Variants in DENND3 observed in about 807,000 individuals in gnomAD.
DENND3 encodes the protein DENN domain-containing protein 3.
In DENND3, 88 loss-of-function variants were observed where a neutral mutation model predicts 135.1. The ratio of observed to expected loss-of-function variants is 0.65; its 90% CI spans 0.55 to 0.78. The LOEUF (loss-of-function observed/expected upper bound fraction) is 0.78. DENND3 is among the 30% of genes least tolerant of loss of function. DENND3 has a pLI of 0.00. For synonymous variants in DENND3, 693 were observed against 712.3 expected (o/e 0.97, Z 0.43); for missense variants, 1,392 against 1,688.4 (o/e 0.82, Z 3.08).
Position 141,182,291 on chromosome 8 carries a change from C to T in DENND3, c.2944+1437C>T. ...GAAGCTGTGTGTGAAGCGATTTCCC[C>T]ATAAGAGAGTTTTTCTCTCTTCATG... On this transcript the variant is annotated intron_variant, in intron 17 of 22. Transcript: ENST00000519811. This position sits in a 1 kb window ranked among gnomAD's most constrained non-coding sequence, Gnocchi z 5.9. The T allele has an allele frequency of 1.0e-6, 1 of 984,794 alleles. No individual in the cohort carries two copies. Among genetic ancestry groups the T allele is most frequent in the South Asian group, 4.7e-5 (1 of 21,274 alleles). 61.0% of individuals were successfully genotyped at this position (984,794 alleles called of 1,614,324 possible).
rs1035712366 is a variant in DENND3 at position 141,146,917 on chromosome 8, G to A, written c.735+2658G>A. ...TATTTACTGAGGGCCTGTGAGATCC[G>A]TGAACAGAGCCAGACCTCTGACTTG... On this transcript the variant is annotated intron_variant, in intron 5 of 22. Coordinates refer to ENST00000519811, the MANE Select transcript of DENND3 (RefSeq NM_001352890.3). This position sits in a 1 kb window ranked among gnomAD's most constrained non-coding sequence, Gnocchi z 4.3. Among the ~76,000 whole-genome samples the A allele has an allele frequency of 4.6e-5, 7 of 152,190 alleles. No homozygotes were observed. Among genetic ancestry groups the A allele is most frequent in the African/African-American group, 4.8e-5 (2 of 41,448 alleles).
chr8:141,170,909 C>T (rs547851053), intron 13 of DENND3, among the ~76,000 whole-genome samples: 3 of 152,334 alleles, frequency 2.0e-5, no homozygotes, highest in South Asian at 2.1e-4. Context: ...GAGCAGGGTC[C>T]GTCCATCTTT....
Position 141,136,754 on chromosome 8 carries a change from C to T in DENND3, c.348C>T (p.Gly116=), listed in dbSNP as rs551426157. ...CTGAGGATGTCGCCGTCCCGGGCGG[C>T]GTGGACCTCCTCACCCTGCCGCAGC... ...PEPEDVAVPG[G]VDLLTLPQLC... The change falls in exon 2 of 23, where the codon GGC becomes GGT. Residue 116 remains glycine (G), a synonymous_variant. Transcript: ENST00000519811. 22 of 1,594,058 alleles carry T rather than the reference C, an allele frequency of 1.4e-5. No individual in the cohort carries two copies. The highest frequency in any genetic ancestry group is 7.1e-5 in the Admixed American group (4 of 56,510).
chr8:141,148,205 C>A (rs1312007215), intron 5 of DENND3, among the ~76,000 whole-genome samples: 1 of 152,124 alleles, frequency 6.6e-6, no homozygotes, highest in Non-Finnish European at 1.5e-5. Context: ...TTCCTCATTA[C>A]TTCTGGTCCG....
rs757726675 is a variant in DENND3 at position 141,189,025 on chromosome 8, G to A, written c.3124G>A (p.Gly1042Ser). ...VMADQNQVWV[G>S]SEDSVIYIIN... Reference sequence around the variant, plus strand: ...GGCCGACCAGAACCAGGTGTGGGTTGGCTCGGAAGACTCCGTCATCTACAT... The same window carrying A: ...GGCCGACCAGAACCAGGTGTGGGTTAGCTCGGAAGACTCCGTCATCTACAT... Residue 1042 changes from glycine (G) to serine (S), a missense_variant, in exon 19 of 23, where the codon GGC becomes AGC. Transcript: ENST00000519811. 4.3e-6 allele frequency: 7 copies of A among 1,614,164 alleles called. No individual in the cohort carries two copies. The highest frequency in any genetic ancestry group is 5.9e-6 in the Non-Finnish European group (7 of 1,180,006).
At chr8:141,170,156 TG>T (rs1168802284) in intron 13 of DENND3, among the ~76,000 whole-genome samples, 1 of 152,242 alleles carries the variant, frequency 6.6e-6, no homozygotes, top group East Asian at 1.9e-4. Context: ...TGAGCTGTGT[TG>T]TCATGGTCTT....
rs185094158 is a variant in DENND3 at position 141,131,777 on chromosome 8, T to C, written c.102+2968T>C. Among the ~76,000 whole-genome samples, 54 of 152,252 alleles carry C rather than the reference T, an allele frequency of 3.5e-4. No homozygotes were observed. The East Asian group carries it at 5.6e-3, about 16-fold the overall frequency. Reference sequence around the variant, plus strand: ...GAATTAGCAGTTTTAAAAACCAAAATGATGGTTATTGGGTAGGGGTTTAAT... The same window carrying C: ...GAATTAGCAGTTTTAAAAACCAAAACGATGGTTATTGGGTAGGGGTTTAAT... On this transcript the variant is annotated intron_variant, in intron 1 of 22. Transcript: ENST00000519811.
chr8:141,147,464 G>A (rs1184142649), intron 5 of DENND3, among the ~76,000 whole-genome samples: 2 of 152,160 alleles, frequency 1.3e-5, no homozygotes, highest in African/African-American at 2.4e-5. Flanking sequence ...TGGCCTCACT[G>A]GACTCCTGTC....
chr8:141,160,965 G>A (rs970852613), intron 9 of DENND3, among the ~76,000 whole-genome samples, 178 bp downstream of exon 9: 3 of 152,234 alleles, frequency 2.0e-5, no homozygotes, highest in Non-Finnish European at 2.9e-5. Context: ...AGCAGTTACA[G>A]GGAGTTTGTT....
rs1292802659 is a variant in DENND3, at chr8:141,182,104, T to C, written c.2944+1250T>C. On this transcript the variant is annotated intron_variant, in intron 17 of 22. Transcript: ENST00000519811. This position sits in a 1 kb window ranked among gnomAD's most constrained non-coding sequence, Gnocchi z 5.9. ...AGCCACTGCGCCAGCCCAGAAGGGA[T>C]TTTTAAAATTGTCACTTTGTTTGTT... Among the ~76,000 whole-genome samples, 1 of 151,976 alleles carries C rather than the reference T, an allele frequency of 6.6e-6. No individual in the cohort carries two copies. Among genetic ancestry groups the C allele is most frequent in the East Asian group, 1.9e-4 (1 of 5,202 alleles).
At chr8:141,190,447 C>T (rs1331420018) in intron 20 of DENND3, 30 bp downstream of exon 20, 2 of 1,581,714 alleles carry the variant, frequency 1.3e-6, no homozygotes, top group Non-Finnish European at 1.7e-6. Context: ...TCAGAGCGGG[C>T]ACCCTACCTC....
rs561368215 is a variant in DENND3 at position 141,138,676 on chromosome 8, C to T, written c.501+539C>T. ...GCTGGGATTACAGGTGTGAGCGCTGCGCCCGGCCGGCTAATCCCCTTTCTG... is the reference window on the plus strand; with the variant it reads ...GCTGGGATTACAGGTGTGAGCGCTGTGCCCGGCCGGCTAATCCCCTTTCTG... On this transcript the variant is annotated intron_variant, in intron 3 of 22. Coordinates refer to ENST00000519811, the MANE Select transcript of DENND3 (RefSeq NM_001352890.3). The surrounding 1 kb of genome is among the most constrained non-coding windows in gnomAD (Gnocchi z 4.8). Among the ~76,000 whole-genome samples, 5 of 152,122 alleles carry T rather than the reference C, an allele frequency of 3.3e-5. No homozygotes were observed. The highest frequency in any genetic ancestry group is 5.9e-5 in the Non-Finnish European group (4 of 68,032).
Position 141,194,237 on chromosome 8 carries a change from T to C in DENND3, c.*4T>C, listed in dbSNP as rs774680755. 5 of 1,610,762 alleles carry C rather than the reference T, an allele frequency of 3.1e-6. No individual in the cohort carries two copies. Among genetic ancestry groups the C allele is most frequent in the South Asian group, 1.1e-5 (1 of 90,186 alleles). ...CGCCATTTGGAAAGGCGAATAAACG[T>C]GGCTGAGTCTGCCAAGTGGAACTGT... On this transcript the variant is annotated 3_prime_UTR_variant, in exon 23 of 23. Coordinates refer to ENST00000519811, the MANE Select transcript of DENND3 (RefSeq NM_001352890.3).
intron 1 of DENND3, among the ~76,000 whole-genome samples, chr8:141,135,392 T>A (rs768452665): frequency 6.6e-6 from 1 of 152,050 alleles, no homozygotes; most frequent in Non-Finnish European, 1.5e-5. Context: ...GCTCAAGCAG[T>A]CCTCCCGCTT....
At chr8:141,165,046 C>T in intron 10 of DENND3, 140 bp from the exon 11 acceptor site, 2 of 633,772 alleles carry the variant, frequency 3.2e-6, no homozygotes, top group Non-Finnish European at 5.7e-6. Context: ...AGCAGAAAAC[C>T]CTCGAGTTCA....
In DENND3 at chr8:141,136,575, G is replaced by A. The variant is rs770477186; in HGVS notation, c.169G>A (p.Val57Met). The change falls in exon 2 of 23, where the codon GTG (valine) becomes ATG (methionine). Residue 57 changes from valine to methionine, a missense_variant. Physicochemically the swap from Val to Met is conservative, Grantham distance 21. Transcript: ENST00000519811. ...TGATCCAGAGGTCCTGTCCATTTTC[G>A]TGCCTCCTTTTATCAGTAAAGAGGA... ...LLDPEVLSIF[V>M]PPFISKEDSQ... 71 of 1,573,450 alleles carry A rather than the reference G, an allele frequency of 4.5e-5. No homozygotes were observed. Among genetic ancestry groups the A allele is most frequent in the Admixed American group, 2.3e-4 (12 of 53,192 alleles).
At chr8:141,152,741 TC>T (rs1356975274) in intron 7 of DENND3, among the ~76,000 whole-genome samples, 1 of 152,222 alleles carries the variant, frequency 6.6e-6, no homozygotes, top group Non-Finnish European at 1.5e-5. Context: ...ATATGTGCTT[TC>T]GTTTCTCTCG....
chr8:141,180,151 G>A (rs1357042011), intron 16 of DENND3, among the ~76,000 whole-genome samples: 3 of 152,252 alleles, frequency 2.0e-5, no homozygotes, highest in African/African-American at 7.2e-5. Flanking sequence ...CCCTCACTGC[G>A]GAGAGGCATT....
At chr8:141,150,201 C>T (rs2154612924) in intron 5 of DENND3, 4 of 678,660 alleles carry the variant, frequency 5.9e-6, no homozygotes, top group South Asian at 5.5e-5. Context: ...CAGGAACTCG[C>T]TGTTTGCAGC....
Sources: allele counts gnomAD v4.1 joint callset (sites outside exome capture counted in the v4.1 genomes callset), GRCh38; gene constraint gnomAD v4.1.1; non-coding constraint Gnocchi (gnomAD v3.1); transcripts MANE v1.5; gene names NCBI Gene and HGNC (gene_info 2026-07-23, HGNC 2026-07-21).